SLC41A3: variants seen among roughly 807,000 people sequenced by gnomAD.
SLC41A3 encodes solute carrier family 41 member 3, also known as SLC41A1-like 2.
In SLC41A3, 44 loss-of-function variants were observed where a neutral mutation model predicts 45.4. The ratio of observed to expected loss-of-function variants is 0.97; its 90% CI spans 0.76 to 1.25. The LOEUF (loss-of-function observed/expected upper bound fraction) is 1.25. Ranked by LOEUF, SLC41A3 falls within the 50% of genes most tolerant of loss-of-function variation. The pLI, the probability that SLC41A3 is intolerant of heterozygous loss-of-function variation, is 0.00. For synonymous variants in SLC41A3, 256 were observed against 252.4 expected, an observed-to-expected ratio of 1.01 and a Z score of -0.13; for missense variants, 550 against 600.6, an observed-to-expected ratio of 0.92 and a Z score of 0.88.
chr3:126,007,065 C>G lies in SLC41A3; in HGVS notation c.1415G>C (p.Ser472Thr). 1.2e-6 allele frequency: 2 copies of G among 1,614,226 alleles called. No homozygotes were observed. The highest frequency in any genetic ancestry group is 2.2e-5 in the South Asian group (2 of 91,088). The change falls in exon 11 of 11, where the codon AGC becomes ACC. Residue 472 changes from serine (S) to threonine (T), a missense_variant. Coordinates refer to ENST00000360370, the MANE Select transcript of SLC41A3 (RefSeq NM_017836.4). ...TGAGATGCCACCCAGCTCTGCCTTG[C>G]TCTTCAGTAGCCAGTCAGTGAAAAA... is the stretch of plus-strand genomic sequence containing the variant. ...LCFFTDWLLK[S>T]KAELGGISEL...
chr3:126,079,279 GACAC>G (rs63354060), intron 1 of SLC41A3, among the ~76,000 whole-genome samples: 49,130 of 145,808 alleles, frequency 0.34, 8,214 homozygotes, highest in African/African-American at 0.38. Flanking sequence ...AAGGGTAAGG[GACAC>G]ACACACACAC....
At chr3:126,011,140 C>T (rs1327090254) in intron 9 of SLC41A3, among the ~76,000 whole-genome samples, 1 of 152,136 alleles carries the variant, frequency 6.6e-6, no homozygotes, top group African/African-American at 2.4e-5. Flanking sequence ...AATGAAGCCA[C>T]TACAACAATC....
chr3:126,099,213 C>A (rs1945662742), intron 1 of SLC41A3, among the ~76,000 whole-genome samples: 1 of 152,102 alleles, frequency 6.6e-6, no homozygotes, highest in Non-Finnish European at 1.5e-5. Context: ...GTTCTGAGCT[C>A]CTGTGAGTAA....
chr3:126,071,243 G>A (rs554535437), intron 1 of SLC41A3, among the ~76,000 whole-genome samples: 2 of 152,254 alleles, frequency 1.3e-5, no homozygotes, highest in East Asian at 3.9e-4. Flanking sequence ...GATAACTGGA[G>A]TGGCTTTAAT....
At chr3:126,028,185 A>C (rs1292238203) in intron 4 of SLC41A3, among the ~76,000 whole-genome samples, 1 of 152,224 alleles carries the variant, frequency 6.6e-6, no homozygotes, top group Non-Finnish European at 1.5e-5. Flanking sequence ...AGACAATAGG[A>C]AAAGGCCTAG....
intron 3 of SLC41A3, among the ~76,000 whole-genome samples, chr3:126,039,212 T>C (rs1457547830): frequency 6.6e-6 from 1 of 152,228 alleles, no homozygotes; most frequent in Non-Finnish European, 1.5e-5. Flanking sequence ...GCTAACACAG[T>C]CACCAAACTA....
chr3:126,086,409 T>C (rs4599249), upstream of SLC41A3, among the ~76,000 whole-genome samples: 9 of 53,694 alleles, frequency 1.7e-4, no homozygotes, highest in African/African-American at 6.9e-4. Flanking sequence ...TGTTTTCTTG[T>C]TTTTTTTTTT....
At chr3:126,012,912 A>G (rs1939870535) in intron 8 of SLC41A3, among the ~76,000 whole-genome samples, 163 bp from the exon 9 acceptor site, 1 of 152,180 alleles carries the variant, frequency 6.6e-6, no homozygotes, top group Non-Finnish European at 1.5e-5. Context: ...TTTGGCAGCA[A>G]GTCAGGGTGG....
intron 2 of SLC41A3, among the ~76,000 whole-genome samples, chr3:126,057,431 G>A (rs987045057): frequency 2.0e-5 from 3 of 152,302 alleles, no homozygotes; most frequent in South Asian, 2.1e-4. Context: ...TGTCCTCTGC[G>A]CATTCCACAG....
intron 1 of SLC41A3, chr3:126,095,240 A>G: frequency 7.2e-6 from 5 of 691,742 alleles, no homozygotes; most frequent in Non-Finnish European, 1.1e-5. Context: ...AAACCTTATC[A>G]TGAGCCAGAT....
At chr3:126,082,008 A>C (rs760628627) in intron 1 of SLC41A3, among the ~76,000 whole-genome samples, 3 of 152,222 alleles carry the variant, frequency 2.0e-5, no homozygotes, top group Non-Finnish European at 4.4e-5. Flanking sequence ...GTGCCAGAGG[A>C]AGGCCTGGCC....
At chr3:126,084,972 C>T (rs1166742882), upstream of SLC41A3, among the ~76,000 whole-genome samples, 1 of 152,214 alleles carries the variant, frequency 6.6e-6, no homozygotes, top group African/African-American at 2.4e-5. Flanking sequence ...ATTTTACAGC[C>T]TCTTCTCTCT....
At chr3:126,095,848 T>G (rs1440910978) in intron 1 of SLC41A3, among the ~76,000 whole-genome samples, 1 of 152,170 alleles carries the variant, frequency 6.6e-6, no homozygotes, top group Non-Finnish European at 1.5e-5. Flanking sequence ...CACACTATGT[T>G]CAGATGGTCT....
intron 1 of SLC41A3, among the ~76,000 whole-genome samples, chr3:126,091,135 C>A (rs1269889749): frequency 6.6e-6 from 1 of 152,160 alleles, no homozygotes; most frequent in Admixed American, 6.5e-5. Flanking sequence ...CCTTACAGAT[C>A]TCTATGAAGG....
intron 2 of SLC41A3, 135 bp from the exon 3 acceptor site, chr3:126,051,185 T>C (rs1943308999): frequency 9.4e-7 from 1 of 1,069,384 alleles, no homozygotes; most frequent in Non-Finnish European, 1.3e-6. Flanking sequence ...CTTTCTTAAA[T>C]GGCTTTAAAC....
chr3:126,069,450 TTGCAGGATTGGTC>T (rs1487962830), intron 1 of SLC41A3, among the ~76,000 whole-genome samples: 14 of 152,088 alleles, frequency 9.2e-5, no homozygotes, highest in Non-Finnish European at 2.1e-4. Flanking sequence ...TGGAGGATGT[TTGCAGGATTGGTC>T]CAGAAAAATC....
chr3:126,080,265 GA>G (rs1356666097), intron 1 of SLC41A3, among the ~76,000 whole-genome samples: 2 of 151,934 alleles, frequency 1.3e-5, no homozygotes, highest in African/African-American at 4.8e-5. Context: ...ACAACAAAGT[GA>G]AAAAATAACC....
At chr3:126,069,766 T>C (rs541811124) in intron 1 of SLC41A3, among the ~76,000 whole-genome samples, 3 of 151,966 alleles carry the variant, frequency 2.0e-5, no homozygotes, top group African/African-American at 4.8e-5. Context: ...AGTATCAATA[T>C]AGAGATGAAA....
At chr3:126,008,943 G>A in intron 9 of SLC41A3, 63 bp from the exon 10 acceptor site, 1 of 1,595,390 alleles carries the variant, frequency 6.3e-7, no homozygotes, top group Admixed American at 1.7e-5. Flanking sequence ...GCATGTGACA[G>A]TCCTCAGTGA....
Sources: allele counts gnomAD v4.1 joint callset (sites outside exome capture counted in the v4.1 genomes callset), GRCh38; gene constraint gnomAD v4.1.1; transcripts MANE v1.5; gene names NCBI Gene and HGNC (gene_info 2026-07-23, HGNC 2026-07-21).